The following TMEM132C variants were observed in gnomAD, a reference collection of about 807,000 sequenced individuals.
TMEM132C encodes transmembrane protein 132C.
A neutral mutation model predicts 61.4 loss-of-function variants in TMEM132C; 29 were observed. The ratio of observed to expected loss-of-function variants is 0.47; its 90% CI spans 0.35 to 0.64. The LOEUF (loss-of-function observed/expected upper bound fraction) is 0.64. TMEM132C is among the 30% of genes least tolerant of loss of function. TMEM132C has a pLI of 0.00. For missense variants in TMEM132C, 1,408 were observed against 1,476.9 expected (o/e 0.95, Z 0.76); for synonymous variants, 656 against 633.1 (o/e 1.04, Z -0.54).
At chr12:128,366,972 A>T (rs1873890690) in intron 1 of TMEM132C, among the ~76,000 whole-genome samples, 1 of 152,192 alleles carries the variant, frequency 6.6e-6, no homozygotes, top group Non-Finnish European at 1.5e-5. Flanking sequence ...GGGAGTGAGG[A>T]CCTGGGGAAG....
chr12:128,269,976 G>C (rs576553246), intron 1 of TMEM132C, among the ~76,000 whole-genome samples: 13 of 152,190 alleles, frequency 8.5e-5, no homozygotes, highest in African/African-American at 2.9e-4. Context: ...TTCGGAAAAG[G>C]CAGAATTGTT....
chr12:128,421,601 C>T (rs1593047578), intron 2 of TMEM132C, among the ~76,000 whole-genome samples: 2 of 152,274 alleles, frequency 1.3e-5, no homozygotes, highest in East Asian at 1.9e-4. Context: ...TCACAAAGGA[C>T]GCTCTTCCGT....
At chr12:128,639,896 A>C (rs1247696128) in intron 4 of TMEM132C, among the ~76,000 whole-genome samples, 1 of 152,232 alleles carries the variant, frequency 6.6e-6, no homozygotes, top group Non-Finnish European at 1.5e-5. Flanking sequence ...ACAAGTGAAG[A>C]CTGTTACATG....
At position 128,267,437 on chromosome 12, in the gene TMEM132C, C is replaced by A; in HGVS notation, c.35C>A (p.Ala12Glu). Residue 12 changes from alanine to glutamate, a missense_variant, in exon 1 of 9, where the codon GCG (alanine) becomes GAG (glutamate). Coordinates refer to ENST00000435159, the MANE Select transcript of TMEM132C (RefSeq NM_001136103.3). ...GAGGGTGCGGCCCCCGGGCCGGCGG[C>A]GCCGCTGTGCGGGGCGCTGAGCCTG... ...RSEGAAPGPAAPLCGALSLLL... is the reference protein window; with the variant it reads ...RSEGAAPGPAEPLCGALSLLL... 8.0e-7 allele frequency: 1 copy of A among 1,250,948 alleles called. No homozygotes were observed. The highest frequency in any genetic ancestry group is 1.0e-6 in the Non-Finnish European group (1 of 999,106). 77.5% of individuals were successfully genotyped at this position (1,250,948 alleles called of 1,614,324 possible). A position where few individuals can be genotyped will look rare whatever the true frequency, so the allele number is the denominator to read the frequency against.
intron 2 of TMEM132C, among the ~76,000 whole-genome samples, chr12:128,426,899 G>A (rs377613570): frequency 9.2e-5 from 14 of 152,204 alleles, no homozygotes; most frequent in Admixed American, 2.6e-4. Context: ...TTTAAGTGTC[G>A]TCTTAGTTTT....
intron 1 of TMEM132C, among the ~76,000 whole-genome samples, chr12:128,328,961 T>G (rs550711292): frequency 2.6e-5 from 4 of 152,260 alleles, no homozygotes; most frequent in Admixed American, 2.6e-4. Flanking sequence ...CTTTGGGTTT[T>G]GTTTTGTTTT....
At position 128,705,280 on chromosome 12, in the gene TMEM132C, T is replaced by A. The variant is rs1019081107; in HGVS notation, c.2312T>A (p.Val771Glu). 1 of 1,551,308 alleles carries A rather than the reference T, an allele frequency of 6.4e-7. No individual in the cohort carries two copies. The highest frequency in any genetic ancestry group is 2.4e-5 in the East Asian group (1 of 40,914). ...EGEGQGPLIR[V>E]DMTIAEACQK... ...GAAGGCCAGGGCCCACTGATCCGAG[T>A]GGACATGACGATCGCCGAGGCCTGC... is the stretch of plus-strand genomic sequence containing the variant. The change falls in exon 9 of 9, where the codon GTG becomes GAG. Residue 771 changes from valine (V) to glutamate (E), a missense_variant. Coordinates refer to ENST00000435159, the MANE Select transcript of TMEM132C (RefSeq NM_001136103.3).
Position 128,697,303 on chromosome 12 carries a change from T to A in TMEM132C, c.2009T>A (p.Leu670Ter). The change falls in exon 8 of 9, where the codon TTG (leucine) becomes TAG (stop). Residue 670 changes from leucine (L) to a stop codon, truncating the protein, a stop_gained. Coordinates refer to ENST00000435159, the MANE Select transcript of TMEM132C (RefSeq NM_001136103.3). LOFTEE classifies it high-confidence loss of function. ...GATGACAAAGTATCGGTGACAGACT[T>A]GGCCATCCAGCTCGTGGCTGGGCTG... ...VLDDKVSVTD[L>*]AIQLVAGLSV... The A allele has an allele frequency of 1.3e-6, 2 of 1,551,132 alleles. No individual in the cohort carries two copies. Among genetic ancestry groups the A allele is most frequent in the Non-Finnish European group, 1.7e-6 (2 of 1,146,486 alleles).
intron 3 of TMEM132C, among the ~76,000 whole-genome samples, chr12:128,581,405 G>A (rs905453136): frequency 6.6e-6 from 1 of 152,176 alleles, no homozygotes; most frequent in African/African-American, 2.4e-5. Flanking sequence ...GCTTCCACCG[G>A]AGGGGAGGGG....
chr12:128,456,982 G>A (rs956608521), intron 2 of TMEM132C, among the ~76,000 whole-genome samples: 1 of 152,132 alleles, frequency 6.6e-6, no homozygotes, highest in East Asian at 1.9e-4. Flanking sequence ...TTGCATGTGT[G>A]AGTATATCAT....
chr12:128,525,756 G>A (rs76718046), intron 2 of TMEM132C, among the ~76,000 whole-genome samples: 1,678 of 152,300 alleles, frequency 0.011, 17 homozygotes, highest in Non-Finnish European at 0.019. Context: ...TTAGCCCTGG[G>A]GATGTGTTAG....
At chr12:128,293,629 T>C (rs117754264) in intron 1 of TMEM132C, among the ~76,000 whole-genome samples, 2,630 of 152,244 alleles carry the variant, frequency 0.017, 32 homozygotes, top group Non-Finnish European at 0.029. Flanking sequence ...ACAGCCTCTC[T>C]TTGAACTCTT....
intron 4 of TMEM132C, among the ~76,000 whole-genome samples, chr12:128,631,217 G>A (rs1229084883): frequency 3.3e-5 from 5 of 152,190 alleles, no homozygotes; most frequent in East Asian, 1.9e-4. Context: ...AGCTACATGC[G>A]GTCATTGAAC....
intron 1 of TMEM132C, among the ~76,000 whole-genome samples, chr12:128,314,504 A>T (rs1310122974): frequency 6.6e-6 from 1 of 152,214 alleles, no homozygotes; most frequent in Non-Finnish European, 1.5e-5. Flanking sequence ...GTGTCCCTCC[A>T]AATTCACATC....
intron 1 of TMEM132C, among the ~76,000 whole-genome samples, chr12:128,297,702 A>G (rs1024571792): frequency 8.5e-5 from 13 of 152,094 alleles, no homozygotes; most frequent in African/African-American, 3.1e-4. Context: ...TCCTTTTTCC[A>G]GGATTTGGTA....
chr12:128,545,371 G>A (rs550569222), intron 3 of TMEM132C, among the ~76,000 whole-genome samples: 1 of 152,308 alleles, frequency 6.6e-6, no homozygotes, highest in African/African-American at 2.4e-5. Context: ...CCAGTTCACT[G>A]TGGATGTGTT....
chr12:128,643,555 C>T (rs1954174030), intron 4 of TMEM132C, among the ~76,000 whole-genome samples: 1 of 151,614 alleles, frequency 6.6e-6, no homozygotes, highest in Non-Finnish European at 1.5e-5. Flanking sequence ...TTTGGGGCCC[C>T]AAAAATCTCA....
At chr12:128,475,921 G>T (rs1871141324) in intron 2 of TMEM132C, among the ~76,000 whole-genome samples, 1 of 152,158 alleles carries the variant, frequency 6.6e-6, no homozygotes, top group Non-Finnish European at 1.5e-5. Context: ...ACCAAGGGAG[G>T]TAGGTGGTTC....
At chr12:128,676,269 A>C (rs906586572) in intron 5 of TMEM132C, among the ~76,000 whole-genome samples, 2 of 152,084 alleles carry the variant, frequency 1.3e-5, no homozygotes, top group African/African-American at 4.8e-5. Flanking sequence ...TTAAATTTTT[A>C]AATAAAATAT....
Sources: allele counts gnomAD v4.1 joint callset (sites outside exome capture counted in the v4.1 genomes callset), GRCh38; gene constraint gnomAD v4.1.1; transcripts MANE v1.5; gene names NCBI Gene and HGNC (gene_info 2026-07-23, HGNC 2026-07-21).